Variants in TRIO observed in about 807,000 individuals in gnomAD.
TRIO encodes triple functional domain protein.
In TRIO, 58 loss-of-function variants were observed where a neutral mutation model predicts 351.9. The observed-to-expected ratio is 0.16, with a 90% CI of 0.13 to 0.21. TRIO has a LOEUF of 0.21. Ranked by LOEUF, TRIO falls within the 10% of genes least tolerant of loss-of-function variation. TRIO has a pLI of 1.00. For missense variants in TRIO, 3,201 were observed against 4,027.8 expected, an observed-to-expected ratio of 0.79 and a Z score of 5.56; for synonymous variants, 1,758 against 1,595.7, an observed-to-expected ratio of 1.10 and a Z score of -2.42.
chr5:14,301,439 A>G (rs1737874003), intron 7 of TRIO, among the ~76,000 whole-genome samples: 8 of 152,082 alleles, frequency 5.3e-5, no homozygotes, highest in Admixed American at 5.2e-4. Flanking sequence ...TTAAAGCATC[A>G]GATACTAAGA....
chr5:14,304,662 A>G, intron 8 of TRIO, 70 bp downstream of exon 8: 3 of 1,529,050 alleles, frequency 2.0e-6, no homozygotes, highest in African/African-American at 1.4e-5. Flanking sequence ...GGAAGCTAGA[A>G]AAAAAAAAGT....
chr5:14,457,114 A>T (rs1753371494), intron 34 of TRIO, among the ~76,000 whole-genome samples: 1 of 152,210 alleles, frequency 6.6e-6, no homozygotes, highest in Non-Finnish European at 1.5e-5. Context: ...GTCCCTCTAC[A>T]TTTGCAGACT....
At chr5:14,181,346 A>G (rs1263170039) in intron 1 of TRIO, among the ~76,000 whole-genome samples, 5 of 152,184 alleles carry the variant, frequency 3.3e-5, no homozygotes, top group Admixed American at 6.5e-5. Context: ...TTGAAACTAA[A>G]ATTGTTGTGG....
At chr5:14,187,585 A>C (rs1790202123) in intron 1 of TRIO, among the ~76,000 whole-genome samples, 1 of 152,182 alleles carries the variant, frequency 6.6e-6, no homozygotes, top group Non-Finnish European at 1.5e-5. Context: ...AATCTAAGTA[A>C]GTTCTATTTC....
intron 9 of TRIO, among the ~76,000 whole-genome samples, chr5:14,319,423 A>T (rs1010921211): frequency 1.3e-5 from 2 of 152,226 alleles, no homozygotes; most frequent in Non-Finnish European, 1.5e-5. Context: ...AAACTCAAGG[A>T]ATTAATGACA....
At chr5:14,408,754 G>A (rs1748932497) in intron 33 of TRIO, among the ~76,000 whole-genome samples, 2 of 151,992 alleles carry the variant, frequency 1.3e-5, no homozygotes, top group Admixed American at 6.6e-5. Context: ...CCGCATTCAG[G>A]GCATTTCCAG....
chr5:14,371,092 T>C (rs1369438211), intron 18 of TRIO, among the ~76,000 whole-genome samples: 1 of 152,198 alleles, frequency 6.6e-6, no homozygotes, highest in Non-Finnish European at 1.5e-5. Flanking sequence ...GATTATAAAA[T>C]AGGTTTTGTT....
chr5:14,252,086 G>T (rs781604585), intron 1 of TRIO, among the ~76,000 whole-genome samples: 4 of 151,964 alleles, frequency 2.6e-5, no homozygotes, highest in East Asian at 1.9e-4. Context: ...GAAGGAAAAG[G>T]TTACTTTCTT....
intron 1 of TRIO, among the ~76,000 whole-genome samples, chr5:14,248,515 G>A (rs902491583): frequency 6.6e-6 from 1 of 152,228 alleles, no homozygotes; most frequent in African/African-American, 2.4e-5. Context: ...GCCCCAGGCA[G>A]TGTCCCTGCA....
intron 47 of TRIO, among the ~76,000 whole-genome samples, chr5:14,486,725 G>T (rs1755943825): frequency 6.6e-6 from 1 of 152,090 alleles, no homozygotes; most frequent in South Asian, 2.1e-4. Flanking sequence ...ATCGCTCATG[G>T]GCTGGGAGCT....
At chr5:14,217,020 G>A (rs1441457817) in intron 1 of TRIO, among the ~76,000 whole-genome samples, 1 of 152,192 alleles carries the variant, frequency 6.6e-6, no homozygotes, top group Non-Finnish European at 1.5e-5. Flanking sequence ...AGCTTAAGAC[G>A]GCAGGGCCAA....
chr5:14,393,025 C>T (rs111962982), intron 27 of TRIO, among the ~76,000 whole-genome samples: 3 of 145,670 alleles, frequency 2.1e-5, no homozygotes, highest in Non-Finnish European at 4.5e-5. Context: ...CCAGTCTGGG[C>T]GACAGAGCGA....
intron 2 of TRIO, 102 bp from the exon 3 acceptor site, chr5:14,280,220 G>A (rs1331592061): frequency 9.2e-7 from 1 of 1,082,898 alleles, no homozygotes; most frequent in Non-Finnish European, 1.4e-6. Flanking sequence ...GTGCAAATTT[G>A]TGTAGTTGCT....
At position 14,508,485 on chromosome 5, in the gene TRIO, A is replaced by C. The variant is rs968326060; in HGVS notation, c.*63A>C. 6.6e-7 allele frequency: 1 copy of C among 1,519,248 alleles called. No individual in the cohort carries two copies. The highest frequency in any genetic ancestry group is 8.8e-7 in the Non-Finnish European group (1 of 1,132,430). The allele number at this position is 1,519,248 out of a possible 1,614,324, so 94.1% of individuals were successfully genotyped here. On this transcript the variant is annotated 3_prime_UTR_variant, in exon 57 of 57. Transcript: ENST00000344204. The stretch of plus-strand genomic sequence containing the variant: ...CAATCAGCTGTTAATCTGAATTTTC[A>C]AGAGAAAACAAGCAAACATAACTGA...
intron 1 of TRIO, among the ~76,000 whole-genome samples, chr5:14,186,673 G>C (rs58481568): frequency 1.3e-5 from 2 of 152,154 alleles, no homozygotes; most frequent in East Asian, 3.9e-4. Flanking sequence ...TGCCCCCCTG[G>C]TTCAAGCGAT....
chr5:14,261,835 TAA>T (rs1795362899), intron 1 of TRIO, among the ~76,000 whole-genome samples: 1 of 152,236 alleles, frequency 6.6e-6, no homozygotes, highest in Admixed American at 6.5e-5. Flanking sequence ...AAACTTAAGG[TAA>T]AAACCCTTTT....
At chr5:14,156,656 A>G (rs760217619) in intron 1 of TRIO, among the ~76,000 whole-genome samples, 14 of 152,084 alleles carry the variant, frequency 9.2e-5, no homozygotes, top group Non-Finnish European at 1.8e-4. Context: ...TATTCACTCA[A>G]TCCTAGAATA....
intron 16 of TRIO, 58 bp from the exon 17 acceptor site, chr5:14,368,650 C>T (rs1448734374): frequency 7.1e-6 from 11 of 1,553,206 alleles, no homozygotes; most frequent in African/African-American, 2.7e-5. Context: ...ATCCTGGTTC[C>T]TTTCTAGTCA....
At position 14,205,701 on chromosome 5, in the gene TRIO, C is replaced by T. The variant is rs140472326; in HGVS notation, c.157+61819C>T. 6.9e-3 allele frequency among the ~76,000 whole-genome samples: 1,052 copies of T among 152,270 alleles called. 8 individuals are homozygous for T. The highest frequency in any genetic ancestry group is 0.011 in the Non-Finnish European group (749 of 68,002). Reference sequence around the variant, plus strand: ...GTTTCTTACTAATGAAAACATTATACGCATACAAATACTTTTATACAAATG... The same window carrying T: ...GTTTCTTACTAATGAAAACATTATATGCATACAAATACTTTTATACAAATG... On this transcript the variant is annotated intron_variant, in intron 1 of 56. Transcript: ENST00000344204.
Sources: gnomAD v4.1 joint callset for allele counts (sites outside exome capture counted in the v4.1 genomes callset) on GRCh38, gnomAD v4.1.1 for gene constraint, MANE v1.5 for transcripts, NCBI Gene and HGNC (gene_info 2026-07-23, HGNC 2026-07-21) for gene names.